BSPRY: variants seen among roughly 807,000 people sequenced by gnomAD.
BSPRY encodes B-box and SPRY domain containing.
In BSPRY, 33 loss-of-function variants were observed where a neutral mutation model predicts 38.0. That is an observed-to-expected ratio of 0.87 (90% confidence interval 0.66 to 1.16). The LOEUF (loss-of-function observed/expected upper bound fraction) is 1.16. Ranked by LOEUF, BSPRY falls within the 50% of genes most tolerant of loss-of-function variation. BSPRY has a pLI of 0.00. For synonymous variants in BSPRY, 224 were observed against 228.5 expected (o/e 0.98, Z 0.18); for missense variants, 523 against 533.2 (o/e 0.98, Z 0.19).
chr9:113,349,711 C>G lies in BSPRY; in HGVS notation c.132C>G (p.Cys44Trp). Residue 44 changes from cysteine to tryptophan, a missense_variant, in exon 1 of 6, where the codon TGC becomes TGG. Cys to Trp is a radical substitution (Grantham distance 215). Transcript: ENST00000374183. ...GSERRPVCAA[C>W]AGLGGRCRGH... ...AGCGACGGCCCGTGTGCGCCGCCTG[C>G]GCGGGGTTGGGCGGTCGCTGCCGGG... 9.7e-6 allele frequency: 12 copies of G among 1,238,918 alleles called. No individual in the cohort carries two copies. Among genetic ancestry groups the G allele is most frequent in the Non-Finnish European group, 1.2e-5 (12 of 993,116 alleles). The allele number at this position is 1,238,918 out of a possible 1,614,324, so 76.7% of individuals were successfully genotyped here.
intron 1 of BSPRY, among the ~76,000 whole-genome samples, chr9:113,352,480 G>GAC (rs139828518): frequency 3.3e-3 from 495 of 149,878 alleles, no homozygotes; most frequent in Middle Eastern, 0.01. Context: ...TGGGGAGTGA[G>GAC]ACACACACAC....
At chr9:113,353,077 T>C (rs770780360) in intron 1 of BSPRY, among the ~76,000 whole-genome samples, 2 of 151,814 alleles carry the variant, frequency 1.3e-5, no homozygotes, top group Non-Finnish European at 2.9e-5. Context: ...GGACCAAGAG[T>C]GTGTGCGCCA....
At chr9:113,364,338 T>A (rs1390849729) in intron 4 of BSPRY, among the ~76,000 whole-genome samples, 1 of 152,178 alleles carries the variant, frequency 6.6e-6, no homozygotes, top group Non-Finnish European at 1.5e-5. Context: ...TGTAGACGGA[T>A]CATATTTATT....
In BSPRY at chr9:113,368,360, C is replaced by T. The variant is rs376015885; in HGVS notation, c.659C>T (p.Thr220Met). 49 of 1,614,020 alleles carry T rather than the reference C, an allele frequency of 3.0e-5. No individual in the cohort carries two copies. Among genetic ancestry groups the T allele is most frequent in the African/African-American group, 6.7e-5 (5 of 74,920 alleles). ...RSPLLTQLWA[T>M]AVLGSLSGTE... Reference sequence around the variant, plus strand: ...CCACTACTGACCCAACTCTGGGCAACGGCGGTTCTTGGGTCTCTCTCAGGT... The same window carrying T: ...CCACTACTGACCCAACTCTGGGCAATGGCGGTTCTTGGGTCTCTCTCAGGT... Residue 220 changes from threonine to methionine, a missense_variant, in exon 5 of 6, where the codon ACG becomes ATG. Coordinates refer to ENST00000374183, the MANE Select transcript of BSPRY (RefSeq NM_017688.3).
intron 2 of BSPRY, 98 bp from the exon 3 acceptor site, chr9:113,360,409 A>G (rs1427777347): frequency 8.7e-7 from 1 of 1,152,086 alleles, no homozygotes; most frequent in East Asian, 2.6e-5. Flanking sequence ...GACATTGCTA[A>G]TCAATCTCAA....
At chr9:113,350,668 C>T (rs1366454527) in intron 1 of BSPRY, among the ~76,000 whole-genome samples, 1 of 152,158 alleles carries the variant, frequency 6.6e-6, no homozygotes, top group African/African-American at 2.4e-5. Context: ...CCTGAGGGCT[C>T]TGGCTGGGGA....
In BSPRY at chr9:113,349,620, C is replaced by G. The variant is rs1833934776; in HGVS notation, c.41C>G (p.Ser14Cys). Reference protein sequence around the residue: ...EGAEPGPGSGSGPGPGPLCPE... With the variant: ...EGAEPGPGSGCGPGPGPLCPE... ...GCGGAGCCGGGGCCGGGGTCCGGGT[C>G]CGGGCCCGGGCCGGGGCCACTCTGC... Residue 14 changes from serine to cysteine, a missense_variant, in exon 1 of 6, where the codon TCC becomes TGC. Transcript: ENST00000374183. The G allele has an allele frequency of 8.3e-7, 1 of 1,200,796 alleles. No individual in the cohort carries two copies. Among genetic ancestry groups the G allele is most frequent in the Non-Finnish European group, 1.0e-6 (1 of 967,698 alleles). The allele number at this position is 1,200,796 out of a possible 1,614,324, so 74.4% of individuals were successfully genotyped here. A position where few individuals can be genotyped will look rare whatever the true frequency, so the allele number is the denominator to read the frequency against.
intron 4 of BSPRY, among the ~76,000 whole-genome samples, chr9:113,364,546 C>G (rs55687303): frequency 0.39 from 59,984 of 151,946 alleles, 13,769 homozygotes; most frequent in African/African-American, 0.64. Flanking sequence ...CAAATGATTT[C>G]AAACTTAGAA....
intron 1 of BSPRY, among the ~76,000 whole-genome samples, chr9:113,351,818 T>A (rs1251887499): frequency 1.3e-5 from 2 of 152,146 alleles, no homozygotes; most frequent in Non-Finnish European, 2.9e-5. Flanking sequence ...TATTTATTTA[T>A]TTTTGAGACA....
chr9:113,349,768 C>T lies in BSPRY; in HGVS notation c.189C>T (p.Ala63=), dbSNP rs1833940895. The stretch of plus-strand genomic sequence containing the variant: ...GCATCCGCCGGGCGGAGGAGCGCGC[C>T]GAGGAGCTGCGGGTGAGCGGGTGTG... The part of the protein sequence containing the change: ...GHRIRRAEER[A]EELRNKIVDQ... Residue 63 remains alanine, a synonymous_variant, in exon 1 of 6, where the codon GCC becomes GCT. Coordinates refer to ENST00000374183, the MANE Select transcript of BSPRY (RefSeq NM_017688.3). 1 of 1,233,872 alleles carries T rather than the reference C, an allele frequency of 8.1e-7. No individual in the cohort carries two copies. 76.4% of individuals were successfully genotyped at this position (1,233,872 alleles called of 1,614,324 possible). A position where few individuals can be genotyped will look rare whatever the true frequency, so the allele number is the denominator to read the frequency against.
At chr9:113,366,818 T>C (rs1320058045) in intron 4 of BSPRY, among the ~76,000 whole-genome samples, 2 of 152,206 alleles carry the variant, frequency 1.3e-5, no homozygotes, top group Non-Finnish European at 2.9e-5. Context: ...GTTCACCTTA[T>C]ACCTCCCAAG....
At chr9:113,349,870 G>T in intron 1 of BSPRY, 90 bp downstream of exon 1, 1 of 1,190,446 alleles carries the variant, frequency 8.4e-7, no homozygotes, top group Non-Finnish European at 1.0e-6. Context: ...GCCTGGGGCT[G>T]GGCGGACTCG....
At position 113,360,660 on chromosome 9, in the gene BSPRY, G is replaced by C. The variant is rs570967595; in HGVS notation, c.454G>C (p.Glu152Gln). The change falls in exon 3 of 6, where the codon GAG (glutamate) becomes CAG (glutamine). Residue 152 changes from glutamate (E) to glutamine (Q), a missense_variant. Glu to Gln is a conservative substitution (Grantham distance 29, BLOSUM62 2). Transcript: ENST00000374183. The stretch of plus-strand genomic sequence containing the variant: ...CCTGACACAGCGGGTGCACTGGGCC[G>C]AGGCGCTGCAGAAACTTGACACCAT... ...SILTQRVHWA[E>Q]ALQKLDTIRT... 1 of 1,608,492 alleles carries C rather than the reference G, an allele frequency of 6.2e-7. No individual in the cohort carries two copies.
rs759515023 is a variant in BSPRY at position 113,368,296 on chromosome 9, T to G, written c.595T>G (p.Ser199Ala). 6.2e-7 allele frequency: 1 copy of G among 1,613,696 alleles called. No homozygotes were observed. Among genetic ancestry groups the G allele is most frequent in the Admixed American group, 1.7e-5 (1 of 59,976 alleles). The change falls in exon 5 of 6, where the codon TCG becomes GCG. Residue 199 changes from serine (S) to alanine (A), a missense_variant. By Grantham distance (99) the Ser-to-Ala change is moderately conservative. Coordinates refer to ENST00000374183, the MANE Select transcript of BSPRY (RefSeq NM_017688.3). ...AGAGGGCATTTTGGATCCCCAGGAG[T>G]CGGAAATGTTAAACTTTAATGAGAA... Reference protein sequence around the residue: ...EAEGILDPQESEMLNFNEKCT... With the variant: ...EAEGILDPQEAEMLNFNEKCT...
At chr9:113,362,055 T>C (rs1834162106) in intron 3 of BSPRY, among the ~76,000 whole-genome samples, 1 of 152,158 alleles carries the variant, frequency 6.6e-6, no homozygotes, top group Non-Finnish European at 1.5e-5. Flanking sequence ...GTCCAGGAGC[T>C]AACAGTCTTC....
intron 4 of BSPRY, among the ~76,000 whole-genome samples, chr9:113,365,334 G>A (rs1322032517): frequency 6.6e-6 from 1 of 152,078 alleles, no homozygotes; most frequent in Non-Finnish European, 1.5e-5. Flanking sequence ...TTGCTTGTTT[G>A]TTCCCTTATT....
intron 1 of BSPRY, among the ~76,000 whole-genome samples, chr9:113,354,002 G>A (rs1372587363): frequency 6.6e-6 from 1 of 152,208 alleles, no homozygotes. Flanking sequence ...CCTCAACTGA[G>A]CTGTTGCTGG....
At chr9:113,366,337 A>G (rs1226072864) in intron 4 of BSPRY, among the ~76,000 whole-genome samples, 2 of 152,202 alleles carry the variant, frequency 1.3e-5, no homozygotes, top group African/African-American at 2.4e-5. Flanking sequence ...TTATGCCCCC[A>G]GGCTGAGCGA....
intron 3 of BSPRY, among the ~76,000 whole-genome samples, chr9:113,362,125 G>A (rs1456350067): frequency 6.6e-6 from 1 of 151,818 alleles, no homozygotes. Flanking sequence ...GGGAATCCAG[G>A]ATGCCCTGGG....
Sources: gnomAD v4.1 joint callset for allele counts (sites outside exome capture counted in the v4.1 genomes callset) on GRCh38, gnomAD v4.1.1 for gene constraint, MANE v1.5 for transcripts, NCBI Gene and HGNC (gene_info 2026-07-23, HGNC 2026-07-21) for gene names.